Variants in SLAMF1 observed in about 807,000 individuals in gnomAD.
SLAMF1 encodes the protein signaling lymphocytic activation molecule.
Under a neutral mutation model 35.1 loss-of-function variants are expected in SLAMF1, and 18 were observed. The ratio of observed to expected loss-of-function variants is 0.51; its 90% CI spans 0.35 to 0.76. The LOEUF is 0.76. Ranked by LOEUF, SLAMF1 falls within the 30% of genes least tolerant of loss-of-function variation. The pLI, the probability that SLAMF1 is intolerant of heterozygous loss-of-function variation, is 0.01. For missense variants in SLAMF1, 392 were observed against 413.0 expected, an observed-to-expected ratio of 0.95 and a Z score of 0.44; for synonymous variants, 168 against 157.2, an observed-to-expected ratio of 1.07 and a Z score of -0.51.
At position 160,642,352 on chromosome 1, in the gene SLAMF1, C is replaced by T. The variant is rs1660795152; in HGVS notation, c.76+4518G>A. On this transcript the variant is annotated intron_variant, in intron 1 of 6. Transcript: ENST00000302035. This position sits in a 1 kb window ranked among gnomAD's most constrained non-coding sequence, Gnocchi z 4.2. Reference sequence around the variant, plus strand: ...TCCATCTTTCTGGTCTCCATTTTGACATCTCTTTCATAGGGAAGACTTTCC... The same window carrying T: ...TCCATCTTTCTGGTCTCCATTTTGATATCTCTTTCATAGGGAAGACTTTCC... Among the ~76,000 whole-genome samples, 1 of 152,208 alleles carries T rather than the reference C, an allele frequency of 6.6e-6. No homozygotes were observed. Among genetic ancestry groups the T allele is most frequent in the Non-Finnish European group, 1.5e-5 (1 of 68,040 alleles).
chr1:160,616,919 G>A (rs758259446), intron 5 of SLAMF1, among the ~76,000 whole-genome samples: 3 of 152,134 alleles, frequency 2.0e-5, no homozygotes, highest in Non-Finnish European at 4.4e-5. Flanking sequence ...ACTTTGGGAT[G>A]CTGAGGCGGG....
chr1:160,643,042 G>GC (rs201467712), intron 1 of SLAMF1, among the ~76,000 whole-genome samples: 1 of 21,176 alleles, frequency 4.7e-5, no homozygotes, highest in African/African-American at 5.2e-5. Context: ...AAATGCTTTG[G>GC]CCCCCCACTT....
chr1:160,624,208 G>A (rs200398655), intron 3 of SLAMF1, 23 bp from the exon 4 acceptor site: 6 of 1,523,738 alleles, frequency 3.9e-6, no homozygotes, highest in Admixed American at 1.7e-5. Flanking sequence ...AGAAGTCAAA[G>A]AGCAATCTCA....
At chr1:160,612,125 G>A (rs1659017701) in intron 6 of SLAMF1, among the ~76,000 whole-genome samples, 1 of 152,092 alleles carries the variant, frequency 6.6e-6, no homozygotes. Flanking sequence ...GCAGGTATTG[G>A]GGGCTTCATG....
rs114783764 is a variant in SLAMF1, at chr1:160,642,238, C to T, written c.76+4632G>A. On this transcript the variant is annotated intron_variant, in intron 1 of 6. Coordinates refer to ENST00000302035, the MANE Select transcript of SLAMF1 (RefSeq NM_003037.5). The surrounding 1 kb of genome is among the most constrained non-coding windows in gnomAD (Gnocchi z 4.2). The stretch of plus-strand genomic sequence containing the variant: ...AAAGTCCTATTTTTATTATTTGGCA[C>T]TGCTGGGTCTTTCTATCTTAGACTA... Among the ~76,000 whole-genome samples, 1,413 of 152,308 alleles carry T rather than the reference C, an allele frequency of 9.3e-3. 13 individuals carry two copies. The highest frequency in any genetic ancestry group is 0.022 in the South Asian group (108 of 4,830).
At chr1:160,630,699 T>G (rs1660120253) in intron 3 of SLAMF1, among the ~76,000 whole-genome samples, 1 of 152,170 alleles carries the variant, frequency 6.6e-6, no homozygotes, top group African/African-American at 2.4e-5. Context: ...TTTCTCTTTC[T>G]TCCCCACTTC....
At chr1:160,614,046 TAATAAAGTCCCAGGTG>T (rs1659152561) in intron 5 of SLAMF1, among the ~76,000 whole-genome samples, 3 of 152,336 alleles carry the variant, frequency 2.0e-5, no homozygotes, top group Admixed American at 2.0e-4. Flanking sequence ...TCTGCATTTC[TAATAAAGTCCCAGGTG>T]ATGCTGATGC....
At chr1:160,630,438 TC>T (rs1447060585) in intron 3 of SLAMF1, among the ~76,000 whole-genome samples, 44 of 152,320 alleles carry the variant, frequency 2.9e-4, no homozygotes, top group African/African-American at 1.0e-3. Context: ...CACATTGCAT[TC>T]CGTCTCATCA....
chr1:160,641,026 G>A (rs191472478), intron 1 of SLAMF1, among the ~76,000 whole-genome samples: 4 of 152,182 alleles, frequency 2.6e-5, no homozygotes, highest in Admixed American at 1.3e-4. Context: ...TGACTTGTAG[G>A]CACAGTACCT....
chr1:160,633,820 G>T (rs552739439), intron 3 of SLAMF1, among the ~76,000 whole-genome samples: 1 of 152,144 alleles, frequency 6.6e-6, no homozygotes, highest in Non-Finnish European at 1.5e-5. Flanking sequence ...TAGGTTTAGG[G>T]GTTAACTCCA....
At chr1:160,621,390 C>G (rs1234784433) in intron 4 of SLAMF1, among the ~76,000 whole-genome samples, 1 of 151,980 alleles carries the variant, frequency 6.6e-6, no homozygotes, top group Non-Finnish European at 1.5e-5. Flanking sequence ...GAAACCCTGT[C>G]TCTACTAAAA....
At chr1:160,611,735 C>G (rs1030732532) in intron 6 of SLAMF1, among the ~76,000 whole-genome samples, 5 of 152,164 alleles carry the variant, frequency 3.3e-5, no homozygotes, top group African/African-American at 4.8e-5. Flanking sequence ...GAGCTGCACC[C>G]CATATTCTCT....
chr1:160,617,258 T>G (rs1393339331), intron 5 of SLAMF1, among the ~76,000 whole-genome samples: 1 of 152,140 alleles, frequency 6.6e-6, no homozygotes, highest in Non-Finnish European at 1.5e-5. Context: ...CTCGGCCTTA[T>G]CTAGTCAATT....
chr1:160,630,211 A>G (rs1053874404), intron 3 of SLAMF1, among the ~76,000 whole-genome samples: 2 of 152,226 alleles, frequency 1.3e-5, no homozygotes, highest in Admixed American at 6.5e-5. Context: ...CACTGGCTTC[A>G]CATGACCTAG....
chr1:160,634,350 G>C, intron 3 of SLAMF1: 1 of 973,066 alleles, frequency 1.0e-6, no homozygotes, highest in Non-Finnish European at 1.2e-6. Context: ...GGCAGAGAAG[G>C]CTACGCCTTG....
In SLAMF1 at chr1:160,608,869, C is replaced by T. The variant is rs117990399; in HGVS notation, c.*1879G>A. ...TGAGGCTTTTTTGTCTGCCTACCAC[C>T]TGAATCCCACTTCTATTATTTGTAG... is the stretch of plus-strand genomic sequence containing the variant. On this transcript the variant is annotated 3_prime_UTR_variant, in exon 7 of 7. Transcript: ENST00000302035. The T allele has an allele frequency of 1.4e-4, 22 of 152,262 alleles. 1 individual carries two copies. In the East Asian group the frequency reaches 3.9e-3, roughly 27 times the overall value. The allele number at this position is 152,262 out of a possible 1,614,324, so 9.4% of individuals were successfully genotyped here.
intron 5 of SLAMF1, among the ~76,000 whole-genome samples, chr1:160,618,663 T>C (rs759744995): frequency 2.8e-4 from 43 of 152,182 alleles, no homozygotes; most frequent in Admixed American, 1.7e-3. Context: ...TGAATGCCAC[T>C]GAATTTTAAA....
At position 160,608,714 on chromosome 1, in the gene SLAMF1, A is replaced by G. The variant is rs1372873518; in HGVS notation, c.*2034T>C. On this transcript the variant is annotated 3_prime_UTR_variant, in exon 7 of 7. Coordinates refer to ENST00000302035, the MANE Select transcript of SLAMF1 (RefSeq NM_003037.5). ...TGCTGGGAACTGAGCTTCTAGAGCA[A>G]TCTGAGTTGTAGTAAAGGAATGGGT... The G allele has an allele frequency of 2.7e-5, 4 of 150,128 alleles. No individual in the cohort carries two copies. 9.3% of individuals were successfully genotyped at this position (150,128 alleles called of 1,614,324 possible).
intron 1 of SLAMF1, among the ~76,000 whole-genome samples, chr1:160,644,236 A>C (rs1170125701): frequency 6.6e-6 from 1 of 152,172 alleles, no homozygotes; most frequent in Non-Finnish European, 1.5e-5. Flanking sequence ...ACCTGGATAC[A>C]AATTTTGGCA....
Sources: allele counts gnomAD v4.1 joint callset (sites outside exome capture counted in the v4.1 genomes callset), GRCh38; gene constraint gnomAD v4.1.1; non-coding constraint Gnocchi (gnomAD v3.1); transcripts MANE v1.5; gene names NCBI Gene and HGNC (gene_info 2026-07-23, HGNC 2026-07-21).